STUM: variants seen among roughly 807,000 people sequenced by gnomAD.
The protein encoded by STUM is protein stum homolog.
A neutral mutation model predicts 15.3 loss-of-function variants in STUM; 8 were observed. The ratio of observed to expected loss-of-function variants is 0.52; its 90% CI spans 0.31 to 0.94. The LOEUF is 0.94. Ranked by LOEUF, STUM falls within the 40% of genes least tolerant of loss-of-function variation. The probability of loss-of-function intolerance (pLI) is 0.05; values close to 1 mark genes in which losing one functional copy is unlikely to be tolerated. For missense variants in STUM, 142 were observed against 204.9 expected (o/e 0.69, Z 1.87); for synonymous variants, 78 against 88.7 (o/e 0.88, Z 0.68).
intron 2 of STUM, among the ~76,000 whole-genome samples, chr1:226,598,809 C>T (rs931767493): frequency 1.3e-5 from 2 of 152,216 alleles, no homozygotes; most frequent in Non-Finnish European, 2.9e-5. Context: ...CACACTGTTT[C>T]CAGGGATGCT....
chr1:226,568,960 G>T (rs1158830643), intron 1 of STUM, among the ~76,000 whole-genome samples: 1 of 152,160 alleles, frequency 6.6e-6, no homozygotes, highest in Non-Finnish European at 1.5e-5. Flanking sequence ...TCCCTAGCAA[G>T]GGGACCTTGC....
chr1:226,581,086 A>G (rs1667909892), intron 1 of STUM, among the ~76,000 whole-genome samples: 1 of 152,232 alleles, frequency 6.6e-6, no homozygotes, highest in Non-Finnish European at 1.5e-5. Flanking sequence ...AAAGGAAAAG[A>G]GCAAAGTCTG....
chr1:226,602,320 T>C lies in STUM; in HGVS notation c.*280T>C. ...GAGAACGCCCACAGAGAGGCTGGGA[T>C]GCTCCGGCAGGCTCCAACTGGCCTT... On this transcript the variant is annotated 3_prime_UTR_variant, in exon 4 of 4. Transcript: ENST00000366788. The C allele has an allele frequency of 2.1e-6, 1 of 471,842 alleles. No individual in the cohort carries two copies. The highest frequency in any genetic ancestry group is 3.8e-6 in the Non-Finnish European group (1 of 259,966). The allele number at this position is 471,842 out of a possible 1,614,324, so 29.2% of individuals were successfully genotyped here.
chr1:226,591,140 C>T (rs1223261533), intron 1 of STUM, among the ~76,000 whole-genome samples: 1 of 152,166 alleles, frequency 6.6e-6, no homozygotes, highest in African/African-American at 2.4e-5. Flanking sequence ...GTGCTAAAAC[C>T]ATTTTTTAAA....
intron 1 of STUM, among the ~76,000 whole-genome samples, chr1:226,564,750 C>T (rs1015693328): frequency 1.3e-5 from 2 of 152,208 alleles, no homozygotes; most frequent in Non-Finnish European, 2.9e-5. Context: ...GGAAACGTGC[C>T]CCTTTCTCAA....
intron 1 of STUM, among the ~76,000 whole-genome samples, chr1:226,579,876 C>A (rs1473959650): frequency 6.6e-6 from 1 of 152,132 alleles, no homozygotes; most frequent in Non-Finnish European, 1.5e-5. Context: ...CTCGGCCTCC[C>A]AACGTGTTGG....
At chr1:226,550,348 C>T (rs1166175312) in intron 1 of STUM, among the ~76,000 whole-genome samples, 7 of 152,190 alleles carry the variant, frequency 4.6e-5, no homozygotes, top group African/African-American at 1.2e-4. Flanking sequence ...CCAGAGCAGC[C>T]TATCTGAGCA....
At chr1:226,568,354 G>T (rs1667655106) in intron 1 of STUM, among the ~76,000 whole-genome samples, 1 of 152,172 alleles carries the variant, frequency 6.6e-6, no homozygotes, top group East Asian at 1.9e-4. Context: ...GGGGTGGGTT[G>T]TTCAGGGCCT....
chr1:226,592,592 C>T (rs1161824610), intron 1 of STUM, among the ~76,000 whole-genome samples: 2 of 152,204 alleles, frequency 1.3e-5, no homozygotes, highest in Non-Finnish European at 2.9e-5. Context: ...TATAGGTTTG[C>T]AGCAAATGGC....
At chr1:226,598,169 G>C (rs144494656) in intron 2 of STUM, among the ~76,000 whole-genome samples, 81 of 152,298 alleles carry the variant, frequency 5.3e-4, no homozygotes, top group African/African-American at 1.9e-3. Flanking sequence ...TGATAGGAAG[G>C]AAGTGCTGCC....
chr1:226,600,932 G>A lies in STUM; in HGVS notation c.391+258G>A, dbSNP rs1668252909. ...GCCAGCCTCCTTTCCTCTGTCATTC[G>A]CCACATCTCCCCTACCCCAGCATGG... On this transcript the variant is annotated intron_variant, in intron 3 of 3. Transcript: ENST00000366788. This position sits in a 1 kb window ranked among gnomAD's most constrained non-coding sequence, Gnocchi z 5.2. Among the ~76,000 whole-genome samples, 1 of 152,010 alleles carries A rather than the reference G, an allele frequency of 6.6e-6. No homozygotes were observed. The highest frequency in any genetic ancestry group is 1.5e-5 in the Non-Finnish European group (1 of 68,014).
At chr1:226,564,587 A>G (rs950139670) in intron 1 of STUM, among the ~76,000 whole-genome samples, 1 of 151,856 alleles carries the variant, frequency 6.6e-6, no homozygotes, top group African/African-American at 2.4e-5. Flanking sequence ...TATCTGGTCT[A>G]CCTGCCACTC....
At chr1:226,592,949 G>A (rs1668112849) in intron 1 of STUM, among the ~76,000 whole-genome samples, 1 of 152,172 alleles carries the variant, frequency 6.6e-6, no homozygotes, top group Non-Finnish European at 1.5e-5. Context: ...ACTTTGGGAG[G>A]CCAAGGTGAG....
chr1:226,599,703 T>A (rs190490152), intron 2 of STUM, among the ~76,000 whole-genome samples: 46 of 152,366 alleles, frequency 3.0e-4, no homozygotes, highest in African/African-American at 1.0e-3. Flanking sequence ...TTGCTTGATT[T>A]ATATGAATAA....
At chr1:226,566,365 C>G (rs1194375684) in intron 1 of STUM, among the ~76,000 whole-genome samples, 1 of 152,092 alleles carries the variant, frequency 6.6e-6, no homozygotes, top group South Asian at 2.1e-4. Context: ...TTTTCCCCCT[C>G]TTGTGTGATT....
rs1667936751 is a variant in STUM, at chr1:226,582,564, C to T, written c.203-14238C>T. ...GAGCCGAGGTCACACCATTGCACTC[C>T]AGCCTGAGCAACAAGAGCAACATGC... On this transcript the variant is annotated intron_variant, in intron 1 of 3. Transcript: ENST00000366788. Among the ~76,000 whole-genome samples the T allele has an allele frequency of 3.3e-5, 5 of 150,714 alleles. No individual in the cohort carries two copies. In the South Asian group the frequency reaches 1.1e-3, roughly 32 times the overall value.
intron 1 of STUM, among the ~76,000 whole-genome samples, chr1:226,554,958 C>T (rs556936335): frequency 3.3e-5 from 5 of 152,198 alleles, no homozygotes; most frequent in Admixed American, 6.5e-5. Context: ...GGTCGCCAGT[C>T]TCCTCCAGGT....
At position 226,552,986 on chromosome 1, in the gene STUM, T is replaced by C. The variant is rs1667393872; in HGVS notation, c.202+3880T>C. ...GGAATAGGCATTAGAGATCATCTGG[T>C]CCAAAGCCTTTATTCAATATAAAAG... On this transcript the variant is annotated intron_variant, in intron 1 of 3. Coordinates refer to ENST00000366788, the MANE Select transcript of STUM (RefSeq NM_001003665.4). The surrounding 1 kb of genome is among the most constrained non-coding windows in gnomAD (Gnocchi z 4.7). Among the ~76,000 whole-genome samples the C allele has an allele frequency of 6.6e-6, 1 of 152,226 alleles. No individual in the cohort carries two copies. The highest frequency in any genetic ancestry group is 1.5e-5 in the Non-Finnish European group (1 of 68,042).
chr1:226,593,050 A>G (rs1668114941), intron 1 of STUM, among the ~76,000 whole-genome samples: 3 of 152,136 alleles, frequency 2.0e-5, no homozygotes, highest in Admixed American at 1.3e-4. Flanking sequence ...GCCGGGCATG[A>G]TGGTGCATGC....
Sources: allele counts gnomAD v4.1 joint callset (sites outside exome capture counted in the v4.1 genomes callset), GRCh38; gene constraint gnomAD v4.1.1; non-coding constraint Gnocchi (gnomAD v3.1); transcripts MANE v1.5; gene names NCBI Gene and HGNC (gene_info 2026-07-23, HGNC 2026-07-21).